Variants in PCYT1B observed in about 807,000 individuals in gnomAD.
PCYT1B encodes phosphate cytidylyltransferase 1B, choline, also known as choline-phosphate cytidylyltransferase B.
PCYT1B carries 10 observed loss-of-function variants against 26.4 expected under a neutral mutation model. That is an observed-to-expected ratio of 0.38 (90% CI 0.23 to 0.64). PCYT1B has a LOEUF of 0.64. Among genes scored for constraint, PCYT1B ranks in the 30% least tolerant of loss-of-function variants. The pLI, the probability that PCYT1B is intolerant of heterozygous loss-of-function variation, is 0.56. For synonymous variants in PCYT1B, 131 were observed against 108.4 expected (o/e 1.21, Z -1.29); for missense variants, 161 against 292.7 (o/e 0.55, Z 3.28).
chrX:24,593,835 C>T (rs1037928658), intron 3 of PCYT1B, among the ~76,000 whole-genome samples: 7 of 111,082 alleles, frequency 6.3e-5, no homozygotes, highest in East Asian at 2.8e-4. Context: ...CCTACAGGAA[C>T]GTTTCAACAA....
chrX:24,597,633 G>A (rs1924830626), intron 3 of PCYT1B, among the ~76,000 whole-genome samples: 1 of 112,068 alleles, frequency 8.9e-6, no homozygotes, highest in African/African-American at 3.2e-5. Context: ...AGCCTTCAGG[G>A]CAAACCAAAT....
chrX:24,624,304 C>T (rs966485659), intron 1 of PCYT1B, among the ~76,000 whole-genome samples: 20 of 111,620 alleles, frequency 1.8e-4, no homozygotes, highest in Admixed American at 3.8e-4. Flanking sequence ...GGGGCAATCC[C>T]GTCAGACAGG....
chrX:24,644,325 C>A (rs181319096), intron 1 of PCYT1B, among the ~76,000 whole-genome samples: 1 of 111,147 alleles, frequency 9.0e-6, no homozygotes, highest in African/African-American at 3.3e-5. Context: ...TAAACAGAGT[C>A]AAATTTCAGT....
chrX:24,641,044 C>A (rs763384360), intron 1 of PCYT1B, among the ~76,000 whole-genome samples: 1 of 111,744 alleles, frequency 8.9e-6, no homozygotes, highest in Non-Finnish European at 1.9e-5. Flanking sequence ...AGCGATTCTC[C>A]TGCCTCAGCC....
chrX:24,664,073 T>C (rs1252813189), intron 1 of PCYT1B, among the ~76,000 whole-genome samples: 2 of 111,085 alleles, frequency 1.8e-5, no homozygotes, highest in African/African-American at 6.6e-5. Flanking sequence ...TAACAATGTC[T>C]GGAGACATTT....
intron 1 of PCYT1B, among the ~76,000 whole-genome samples, chrX:24,656,195 T>C (rs1459837875): frequency 7.5e-4 from 33 of 44,138 alleles, no homozygotes; most frequent in South Asian, 2.0e-3. Context: ...ATGAAAATAG[T>C]CAGGGCTTCA....
intron 1 of PCYT1B, among the ~76,000 whole-genome samples, chrX:24,662,191 A>G (rs866435619): frequency 2.0e-5 from 2 of 101,916 alleles, no homozygotes; most frequent in Middle Eastern, 4.8e-3. Flanking sequence ...AAACAAACAA[A>G]CAGGTATTGT....
chrX:24,604,900 T>G (rs1342627822), intron 3 of PCYT1B, among the ~76,000 whole-genome samples: 1 of 111,978 alleles, frequency 8.9e-6, no homozygotes, highest in Middle Eastern at 4.2e-3. Flanking sequence ...TAATAGCCAT[T>G]AAGGGAATAT....
chrX:24,592,667 C>G lies in PCYT1B; in HGVS notation c.335-2493G>C, dbSNP rs751875211. Among the ~76,000 whole-genome samples the G allele has an allele frequency of 1.7e-3, 191 of 111,362 alleles. 1 individual carries two copies. Among genetic ancestry groups the G allele is most frequent in the Non-Finnish European group, 3.1e-3 (167 of 53,088 alleles). ...TCTGTGTCATTCCCAAATTCAGAAC[C>G]CTTCCTGTCTCATTCAGAGTAAAAC... is the stretch of plus-strand genomic sequence containing the variant. On this transcript the variant is annotated intron_variant, in intron 3 of 7. Transcript: ENST00000379144.
At chrX:24,614,754 G>T (rs1047289594) in intron 2 of PCYT1B, among the ~76,000 whole-genome samples, 1 of 111,933 alleles carries the variant, frequency 8.9e-6, no homozygotes, top group African/African-American at 3.2e-5. Flanking sequence ...CTTCAAAAAA[G>T]TAACGTTTTT....
Position 24,562,451 on chromosome X carries a change from G to A in PCYT1B, c.952C>T (p.Gln318Ter), listed in dbSNP as rs1569234639. The A allele has an allele frequency of 1.7e-6, 2 of 1,206,313 alleles. No individual in the cohort carries two copies. Among genetic ancestry groups the A allele is most frequent in the Non-Finnish European group, 2.2e-6 (2 of 892,865 alleles). The part of the protein sequence containing the change: ...SRMLQALSPK[Q>*]SPVSSPTRSR... ...CGGGTTGGGCTGCTCACAGGGCTCT[G>A]CTTCGGGGATAAGGCCTGCAGCATC... is the stretch of plus-strand genomic sequence containing the variant. Residue 318 changes from glutamine (Q) to a stop codon, truncating the protein, a stop_gained, in exon 8 of 8, where the codon CAG becomes TAG. Transcript: ENST00000379144. LOFTEE classifies it high-confidence loss of function.
intron 1 of PCYT1B, among the ~76,000 whole-genome samples, chrX:24,657,580 G>C (rs1926948269): frequency 8.9e-6 from 1 of 112,229 alleles, no homozygotes; most frequent in Admixed American, 9.5e-5. Context: ...CACTGTTTCA[G>C]TCATTTTAAT....
At chrX:24,640,488 A>G (rs771653816) in intron 1 of PCYT1B, among the ~76,000 whole-genome samples, 5 of 111,809 alleles carry the variant, frequency 4.5e-5, no homozygotes, top group Non-Finnish European at 9.4e-5. Context: ...TAGCTTAACC[A>G]GATTTCATGT....
intron 7 of PCYT1B, among the ~76,000 whole-genome samples, chrX:24,571,369 A>AAAAT (rs2148221935): frequency 9.0e-6 from 1 of 111,626 alleles, no homozygotes; most frequent in African/African-American, 3.3e-5. Flanking sequence ...CTCCATCTCA[A>AAAAT]AAATAAATAA....
In PCYT1B at chrX:24,671,349, C is replaced by G. The variant is rs866868495; in HGVS notation, c.63+1221G>C. 1.5e-4 allele frequency among the ~76,000 whole-genome samples: 16 copies of G among 109,602 alleles called. 1 individual carries two copies. Among genetic ancestry groups the G allele is most frequent in the African/African-American group, 4.3e-4 (13 of 30,201 alleles). Reference sequence around the variant, plus strand: ...TGAATGAATGAATGAATGAATCAATCAATCAATCAATCAATGCCTCCTGAT... The same window carrying G: ...TGAATGAATGAATGAATGAATCAATGAATCAATCAATCAATGCCTCCTGAT... On this transcript the variant is annotated intron_variant, in intron 1 of 7. Coordinates refer to the PCYT1B transcript ENST00000379145.
rs1214367686 is a variant in PCYT1B, at chrX:24,647,274, C to CCTCT, written c.-173_-170dup. 26 of 902,107 alleles carry CCTCT rather than the reference C, an allele frequency of 2.9e-5. No homozygotes were observed. Among genetic ancestry groups the CCTCT allele is most frequent in the East Asian group, 2.0e-4 (5 of 24,394 alleles). 74.3% of individuals were successfully genotyped at this position (902,107 alleles called of 1,213,427 possible). A position where few individuals can be genotyped will look rare whatever the true frequency, so the allele number is the denominator to read the frequency against. ...GGAAGTAAAGAGGTTACCCCCCGCCCCTCTCTCTCTCTCTCTCTCCCAGAA... is the reference window on the plus strand; with the variant it reads ...GGAAGTAAAGAGGTTACCCCCCGCCCCTCTCTCTCTCTCTCTCTCTCTCCCAGAA... On this transcript the variant is annotated 5_prime_UTR_variant, in exon 1 of 8. Coordinates refer to ENST00000379144, the MANE Select transcript of PCYT1B (RefSeq NM_004845.5).
chrX:24,613,382 A>C (rs1925369231), intron 2 of PCYT1B, among the ~76,000 whole-genome samples: 1 of 112,130 alleles, frequency 8.9e-6, no homozygotes, highest in Non-Finnish European at 1.9e-5. Context: ...TCTGCTTATC[A>C]TTAGCCATTG....
chrX:24,666,938 A>G (rs2148282630), intron 1 of PCYT1B, among the ~76,000 whole-genome samples: 1 of 109,862 alleles, frequency 9.1e-6, no homozygotes, highest in Admixed American at 9.9e-5. Flanking sequence ...ATTTCACAAG[A>G]GACACTCACA....
rs1186064636 is a variant in PCYT1B, at chrX:24,590,185, C to A, written c.335-11G>T. On this transcript the variant is annotated splice_polypyrimidine_tract_variant and intron_variant, in intron 3 of 7. Coordinates refer to ENST00000379144, the MANE Select transcript of PCYT1B (RefSeq NM_004845.5). Reference sequence around the variant, plus strand: ...GATCATCACTGCAAACTAAAACAGGCAAATGCATTAAATGCCATTACTCGG... The same window carrying A: ...GATCATCACTGCAAACTAAAACAGGAAAATGCATTAAATGCCATTACTCGG... 8.3e-7 allele frequency: 1 copy of A among 1,204,949 alleles called. No homozygotes were observed. Among genetic ancestry groups the A allele is most frequent in the Non-Finnish European group, 1.1e-6 (1 of 891,117 alleles).
Sources: gnomAD v4.1 joint callset for allele counts (sites outside exome capture counted in the v4.1 genomes callset) on GRCh38, gnomAD v4.1.1 for gene constraint, MANE v1.5 for transcripts, NCBI Gene and HGNC (gene_info 2026-07-23, HGNC 2026-07-21) for gene names.